The following QDPR variants were observed in gnomAD, a reference collection of about 807,000 sequenced individuals.
QDPR encodes the protein dihydropteridine reductase.
A neutral mutation model predicts 31.7 loss-of-function variants in QDPR; 23 were observed. The ratio of observed to expected loss-of-function variants is 0.73; its 90% confidence interval spans 0.52 to 1.03. The LOEUF (loss-of-function observed/expected upper bound fraction) is 1.03. QDPR is among the 50% of genes least tolerant of loss of function. QDPR has a pLI of 0.00. For missense variants in QDPR, 324 were observed against 323.8 expected, an observed-to-expected ratio of 1.00 and a Z score of 0.00; for synonymous variants, 124 against 124.7, an observed-to-expected ratio of 0.99 and a Z score of 0.03.
intron 4 of QDPR, among the ~76,000 whole-genome samples, chr4:17,499,571 T>C (rs1375075552): frequency 6.6e-6 from 1 of 151,666 alleles, no homozygotes; most frequent in Non-Finnish European, 1.5e-5. Flanking sequence ...AAGAAGAAAA[T>C]GAGAGGGAAG....
intron 2 of QDPR, among the ~76,000 whole-genome samples, chr4:17,505,634 T>C (rs111905225): frequency 2.6e-5 from 4 of 152,222 alleles, no homozygotes; most frequent in African/African-American, 7.2e-5. Context: ...GAAGGATCAC[T>C]TGAGCCCAGG....
At chr4:17,502,200 T>C (rs974759183) in intron 3 of QDPR, among the ~76,000 whole-genome samples, 2 of 152,242 alleles carry the variant, frequency 1.3e-5, no homozygotes, top group Non-Finnish European at 2.9e-5. Flanking sequence ...AATAAGAACC[T>C]ATATGTCTAC....
chr4:17,489,570 A>G (rs1718086196), intron 6 of QDPR, among the ~76,000 whole-genome samples: 1 of 152,252 alleles, frequency 6.6e-6, no homozygotes, highest in Non-Finnish European at 1.5e-5. Context: ...CTTGTGTCAG[A>G]TCCCGGCTGT....
chr4:17,503,113 G>A (rs1190896326), intron 3 of QDPR, among the ~76,000 whole-genome samples: 1 of 152,142 alleles, frequency 6.6e-6, no homozygotes, highest in Admixed American at 6.6e-5. Flanking sequence ...GAATACCAAG[G>A]ATAGAGGAAC....
At chr4:17,495,937 G>T (rs1186371211) in intron 4 of QDPR, among the ~76,000 whole-genome samples, 1 of 152,030 alleles carries the variant, frequency 6.6e-6, no homozygotes, top group Non-Finnish European at 1.5e-5. Context: ...GGAGCCCCCG[G>T]GAGGTCGAGG....
chr4:17,487,067 A>C lies in QDPR; in HGVS notation c.*64T>G. ...GGTTACAGAAAACACAAGGCTGGAC[A>C]AGGCCACACTGAGACAGGTTAGTGA... is the stretch of plus-strand genomic sequence containing the variant. On this transcript the variant is annotated 3_prime_UTR_variant, in exon 7 of 7. Transcript: ENST00000281243. 4 of 1,302,784 alleles carry C rather than the reference A, an allele frequency of 3.1e-6. No homozygotes were observed. The highest frequency in any genetic ancestry group is 4.5e-6 in the Non-Finnish European group (4 of 897,642). 80.7% of individuals were successfully genotyped at this position (1,302,784 alleles called of 1,614,324 possible).
intron 1 of QDPR, among the ~76,000 whole-genome samples, chr4:17,511,017 A>G (rs1215322208): frequency 1.3e-5 from 2 of 152,228 alleles, no homozygotes; most frequent in Non-Finnish European, 2.9e-5. Flanking sequence ...TCACCACTAC[A>G]CAACATATCC....
Position 17,509,348 on chromosome 4 carries a change from C to A in QDPR, c.121G>T (p.Asp41Tyr). Residue 41 changes from aspartate (D) to tyrosine (Y), a missense_variant, in exon 2 of 7, where the codon GAT (aspartate) becomes TAT (tyrosine). Physicochemically the swap from Asp to Tyr is radical, Grantham distance 160. Transcript: ENST00000281243. Reference sequence around the variant, plus strand: ...CTGGCCTCTTCATTCTCCACCACATCAACGCTGGCAACCCACTGGAAGGAG... The same window carrying A: ...CTGGCCTCTTCATTCTCCACCACATAAACGCTGGCAACCCACTGGAAGGAG... Reference protein sequence around the residue: ...RARNWWVASVDVVENEEASAS... With the variant: ...RARNWWVASVYVVENEEASAS... The A allele has an allele frequency of 6.2e-7, 1 of 1,613,826 alleles. No individual in the cohort carries two copies. The highest frequency in any genetic ancestry group is 8.5e-7 in the Non-Finnish European group (1 of 1,179,806).
chr4:17,494,614 GT>G (rs1264993838), intron 4 of QDPR, among the ~76,000 whole-genome samples: 1 of 151,870 alleles, frequency 6.6e-6, no homozygotes, highest in East Asian at 1.9e-4. Flanking sequence ...TCCATTGATT[GT>G]TTTTTTTCCA....
At chr4:17,493,021 A>T (rs1001719435) in intron 4 of QDPR, among the ~76,000 whole-genome samples, 2 of 152,208 alleles carry the variant, frequency 1.3e-5, no homozygotes, top group Non-Finnish European at 2.9e-5. Context: ...ACCACTAAAT[A>T]AATTCTGGGA....
chr4:17,498,668 C>G (rs1311525906), intron 4 of QDPR, among the ~76,000 whole-genome samples: 2 of 152,220 alleles, frequency 1.3e-5, no homozygotes, highest in Non-Finnish European at 2.9e-5. Context: ...TCCCCCAAAA[C>G]TGATTTCCAA....
In QDPR at chr4:17,509,370, GGAGAAAACAGC is replaced by G; in HGVS notation, c.106-18_106-8del. 1 of 1,611,904 alleles carries G rather than the reference GGAGAAAACAGC, an allele frequency of 6.2e-7. No homozygotes were observed. The highest frequency in any genetic ancestry group is 8.5e-7 in the Non-Finnish European group (1 of 1,178,106). ...CATCAACGCTGGCAACCCACTGGAA[GGAGAAAACAGC>G]TTTGGTTAAGAGGCAGTGAGTTGTT... On this transcript the variant is annotated splice_region_variant and splice_polypyrimidine_tract_variant and intron_variant, in intron 1 of 6. Transcript: ENST00000281243.
At position 17,500,454 on chromosome 4, in the gene QDPR, C is replaced by T. The variant is rs191363493; in HGVS notation, c.436+1265G>A. ...CAGTACCTCAGAATGGGACTGTATT[C>T]GAAGATCTTTAAAGAGGCAACAAAG... On this transcript the variant is annotated intron_variant, in intron 4 of 6. Transcript: ENST00000281243. Among the ~76,000 whole-genome samples, 24 of 152,170 alleles carry T rather than the reference C, an allele frequency of 1.6e-4. No homozygotes were observed. The East Asian group carries it at 3.3e-3, about 21-fold the overall frequency.
At chr4:17,492,181 T>TGCAGCAGTGGGGCAGAGGTGG in intron 5 of QDPR, 51 bp downstream of exon 5, 2 of 1,505,440 alleles carry the variant, frequency 1.3e-6, no homozygotes, top group Non-Finnish European at 1.8e-6. Context: ...AACGGTCACC[T>TGCAGCAGTGGGGCAGAGGTGG]GCAGCAGTGG....
At chr4:17,487,514 C>T (rs936553238) in intron 6 of QDPR, among the ~76,000 whole-genome samples, 1 of 151,870 alleles carries the variant, frequency 6.6e-6, no homozygotes, top group Non-Finnish European at 1.5e-5. Flanking sequence ...GCCGTGGTAG[C>T]ACGTGCCTGT....
rs191901994 is a variant in QDPR at position 17,509,677 on chromosome 4, C to G, written c.106-314G>C. Among the ~76,000 whole-genome samples the G allele has an allele frequency of 5.9e-5, 9 of 152,164 alleles. No individual in the cohort carries two copies. The East Asian group carries it at 1.7e-3, about 29-fold the overall frequency. On this transcript the variant is annotated intron_variant, in intron 1 of 6. Transcript: ENST00000281243. ...AGTGAGCTATGATCGCACCACTGTACTCCGGGCTAGGCAACAGAAGGAGGC... is the reference window on the plus strand; with the variant it reads ...AGTGAGCTATGATCGCACCACTGTAGTCCGGGCTAGGCAACAGAAGGAGGC...
chr4:17,509,415 A>C, intron 1 of QDPR, 52 bp from the exon 2 acceptor site: 1 of 1,498,848 alleles, frequency 6.7e-7, no homozygotes, highest in Non-Finnish European at 9.3e-7. Flanking sequence ...TTATTCCATG[A>C]AAGAGTCACA....
chr4:17,497,059 GCT>G (rs1393005930), intron 4 of QDPR, among the ~76,000 whole-genome samples: 1 of 152,060 alleles, frequency 6.6e-6, no homozygotes, highest in Non-Finnish European at 1.5e-5. Flanking sequence ...AAATTATGGT[GCT>G]TTTTAAAAAG....
chr4:17,510,746 T>C (rs538403683), intron 1 of QDPR, among the ~76,000 whole-genome samples: 1 of 152,274 alleles, frequency 6.6e-6, no homozygotes, highest in East Asian at 1.9e-4. Context: ...TTGGGGGCAT[T>C]AAGAGTCTAT....
Sources: gnomAD v4.1 joint callset for allele counts (sites outside exome capture counted in the v4.1 genomes callset) on GRCh38, gnomAD v4.1.1 for gene constraint, MANE v1.5 for transcripts, NCBI Gene and HGNC (gene_info 2026-07-23, HGNC 2026-07-21) for gene names.